Variants in WDR33 observed in about 807,000 individuals in gnomAD.
WDR33 encodes the protein WD repeat domain 33.
WDR33 carries 47 observed loss-of-function variants against 164.9 expected under a neutral mutation model. That is an observed-to-expected ratio of 0.29 (90% CI 0.23 to 0.36). The LOEUF (loss-of-function observed/expected upper bound fraction) is 0.36, where lower values mean the gene tolerates loss of function less well. WDR33 is among the 10% of genes least tolerant of loss of function. The probability of loss-of-function intolerance (pLI) is 1.00; values close to 1 mark genes in which losing one functional copy is unlikely to be tolerated. For missense variants in WDR33, 1,137 were observed against 1,754.1 expected (o/e 0.65, Z 6.28); for synonymous variants, 505 against 589.0 (o/e 0.86, Z 2.06).
At chr2:127,743,249 A>T (rs913140673) in intron 7 of WDR33, among the ~76,000 whole-genome samples, 1 of 152,344 alleles carries the variant, frequency 6.6e-6, no homozygotes, top group South Asian at 2.1e-4. Flanking sequence ...AAAATTTGCT[A>T]TGATAAAGGT....
Position 127,770,615 on chromosome 2 carries a change from C to T in WDR33, c.204+163G>A, listed in dbSNP as rs577588957. ...CTGAGGCAGGAGAATCACTTGAACC[C>T]GGGAGGCAGAGGTTGCAGTGAGCCA... On this transcript the variant is annotated intron_variant, in intron 2 of 21. Coordinates refer to ENST00000322313, the MANE Select transcript of WDR33 (RefSeq NM_018383.5). The surrounding 1 kb of genome is among the most constrained non-coding windows in gnomAD (Gnocchi z 4.9). 2.0e-5 allele frequency among the ~76,000 whole-genome samples: 3 copies of T among 151,920 alleles called. No homozygotes were observed. The highest frequency in any genetic ancestry group is 1.3e-4 in the Admixed American group (2 of 15,218).
chr2:127,787,709 G>A (rs1461010319), intron 1 of WDR33, among the ~76,000 whole-genome samples: 3 of 92,190 alleles, frequency 3.3e-5, no homozygotes, highest in African/African-American at 9.9e-5. Context: ...GGCCGGGCGG[G>A]GGGCTGACAC....
At position 127,738,891 on chromosome 2, in the gene WDR33, G is replaced by T. The variant is rs957797187; in HGVS notation, c.725-12114C>A. Among the ~76,000 whole-genome samples, 1 of 152,128 alleles carries T rather than the reference G, an allele frequency of 6.6e-6. No homozygotes were observed. The highest frequency in any genetic ancestry group is 2.4e-5 in the African/African-American group (1 of 41,432). On this transcript the variant is annotated intron_variant, in intron 7 of 21. Coordinates refer to ENST00000322313, the MANE Select transcript of WDR33 (RefSeq NM_018383.5). This position sits in a 1 kb window ranked among gnomAD's most constrained non-coding sequence, Gnocchi z 4.4. ...GAGGAGGAGAATGGAACAAAATCTT[G>T]AAAGTGCTGAAATAGGGGGAAAAGT... is the stretch of plus-strand genomic sequence containing the variant.
rs1276565924 is a variant in WDR33, at chr2:127,721,654, T to G, written c.1671+182A>C. 6.6e-6 allele frequency among the ~76,000 whole-genome samples: 1 copy of G among 152,174 alleles called. No individual in the cohort carries two copies. Among genetic ancestry groups the G allele is most frequent in the Non-Finnish European group, 1.5e-5 (1 of 68,044 alleles). The stretch of plus-strand genomic sequence containing the variant: ...AAACAAAATACATAAATAACACATT[T>G]TAAAAAATTTTAAGAAACAGGATTC... On this transcript the variant is annotated intron_variant, in intron 15 of 21. Coordinates refer to ENST00000322313, the MANE Select transcript of WDR33 (RefSeq NM_018383.5). The surrounding 1 kb of genome is among the most constrained non-coding windows in gnomAD (Gnocchi z 4.9).
At chr2:127,800,517 G>T (rs1245448680) in intron 1 of WDR33, among the ~76,000 whole-genome samples, 1 of 151,710 alleles carries the variant, frequency 6.6e-6, no homozygotes, top group Non-Finnish European at 1.5e-5. Context: ...GGCGCCTGTA[G>T]TCCCAACTAC....
Position 127,724,851 on chromosome 2 carries a change from C to A in WDR33, c.1085+36G>T. 1.2e-6 allele frequency: 2 copies of A among 1,609,494 alleles called. No homozygotes were observed. Among genetic ancestry groups the A allele is most frequent in the Non-Finnish European group, 1.7e-6 (2 of 1,175,816 alleles). On this transcript the variant is annotated intron_variant, in intron 10 of 21. Coordinates refer to ENST00000322313, the MANE Select transcript of WDR33 (RefSeq NM_018383.5). This position sits in a 1 kb window ranked among gnomAD's most constrained non-coding sequence, Gnocchi z 4.8. ...TGCACACATTCACGTGCTCTCTTCA[C>A]AAAATACACTACTTTTTCACATAAA...
intron 1 of WDR33, among the ~76,000 whole-genome samples, chr2:127,784,529 C>T (rs941355649): frequency 4.6e-5 from 7 of 152,076 alleles, no homozygotes; most frequent in African/African-American, 1.4e-4. Context: ...ACTACAGGTA[C>T]GTGACACCTC....
chr2:127,735,763 A>C lies in WDR33; in HGVS notation c.725-8986T>G. 1 of 985,468 alleles carries C rather than the reference A, an allele frequency of 1.0e-6. No homozygotes were observed. The highest frequency in any genetic ancestry group is 1.2e-6 in the Non-Finnish European group (1 of 829,934). The allele number at this position is 985,468 out of a possible 1,614,324, so 61.0% of individuals were successfully genotyped here. On this transcript the variant is annotated intron_variant, in intron 7 of 21. Transcript: ENST00000322313. This position sits in a 1 kb window ranked among gnomAD's most constrained non-coding sequence, Gnocchi z 4.3. Reference sequence around the variant, plus strand: ...AGATTTTAAAAAATTAAGAAGCATAAGTAATCTGTGCTCTGGTCAAGGAAT... The same window carrying C: ...AGATTTTAAAAAATTAAGAAGCATACGTAATCTGTGCTCTGGTCAAGGAAT...
At chr2:127,783,907 G>A (rs891659651) in intron 1 of WDR33, among the ~76,000 whole-genome samples, 3 of 151,038 alleles carry the variant, frequency 2.0e-5, no homozygotes, top group African/African-American at 7.3e-5. Context: ...CACCTGGCCA[G>A]CACTTCCTTA....
In WDR33 at chr2:127,768,922, C is replaced by G; in HGVS notation, c.273+11G>C. On this transcript the variant is annotated intron_variant, in intron 3 of 21. Transcript: ENST00000322313. The stretch of plus-strand genomic sequence containing the variant: ...TGTTTATTAAGCTAGTATGACACAT[C>G]ATGTACTTACATCATTGTAATAACC... 6.3e-7 allele frequency: 1 copy of G among 1,590,608 alleles called. No individual in the cohort carries two copies. Among genetic ancestry groups the G allele is most frequent in the Non-Finnish European group, 8.6e-7 (1 of 1,166,934 alleles).
chr2:127,794,473 C>T (rs1688955214), intron 1 of WDR33, among the ~76,000 whole-genome samples: 1 of 151,320 alleles, frequency 6.6e-6, no homozygotes, highest in African/African-American at 2.4e-5. Context: ...CGCACCCCAG[C>T]CTGGGGGACA....
At chr2:127,766,774 CT>C (rs202231773) in intron 4 of WDR33, among the ~76,000 whole-genome samples, 24,878 of 146,078 alleles carry the variant, frequency 0.17, 2,486 homozygotes, top group African/African-American at 0.3. Context: ...AACAATGTTT[CT>C]TTTTTTTTTT....
intron 1 of WDR33, among the ~76,000 whole-genome samples, chr2:127,776,197 A>G (rs1450510571): frequency 6.6e-6 from 1 of 152,186 alleles, no homozygotes; most frequent in Admixed American, 6.5e-5. Flanking sequence ...AGACAAAAGA[A>G]TGACCATGTG....
At chr2:127,809,625 G>A (rs1689574352) in intron 1 of WDR33, among the ~76,000 whole-genome samples, 1 of 151,772 alleles carries the variant, frequency 6.6e-6, no homozygotes, top group Non-Finnish European at 1.5e-5. Flanking sequence ...TAGTAGAGAC[G>A]GGGTTCCGCC....
At chr2:127,788,380 GCGCTCCT>G in intron 1 of WDR33, among the ~76,000 whole-genome samples, 3 of 113,522 alleles carry the variant, frequency 2.6e-5, no homozygotes, top group East Asian at 2.8e-4. Context: ...CCGGGCAGAG[GCGCTCCT>G]CACCTCCCGG....
At position 127,719,899 on chromosome 2, in the gene WDR33, C is replaced by A. The variant is rs770162196; in HGVS notation, c.2126G>T (p.Gly709Val). 6.2e-7 allele frequency: 1 copy of A among 1,613,934 alleles called. No individual in the cohort carries two copies. Among genetic ancestry groups the A allele is most frequent in the Admixed American group, 1.7e-5 (1 of 60,024 alleles). ...SGPQGHMGPQGPPGPQGHIGP... is the reference protein window; with the variant it reads ...SGPQGHMGPQVPPGPQGHIGP... ...TATGTGACCCTGTGGGCCAGGTGGACCCTGAGGACCCATATGACCTTGAGG... is the reference window on the plus strand; with the variant it reads ...TATGTGACCCTGTGGGCCAGGTGGAACCTGAGGACCCATATGACCTTGAGG... The change falls in exon 16 of 22, where the codon GGT (glycine) becomes GTT (valine). Residue 709 changes from glycine to valine, a missense_variant. By Grantham distance (109) the Gly-to-Val change is moderately radical. Around this residue, in one of 9 missense-constraint regions of WDR33, gnomAD observed 867 missense variants for 1,073.0 expected, o/e 0.81. Transcript: ENST00000322313. This position sits in a 1 kb window ranked among gnomAD's most constrained non-coding sequence, Gnocchi z 6.5.
At position 127,701,578 on chromosome 2, in the gene WDR33, C is replaced by T. The variant is rs1405926507; in HGVS notation, c.*4745G>A. ...CAGGAGTACCTGGCGCAGGGGAAAG[C>T]TGGCGGCCCGGCGGCCGCGGAGCCG... On this transcript the variant is annotated 3_prime_UTR_variant, in exon 22 of 22. Coordinates refer to ENST00000322313, the MANE Select transcript of WDR33 (RefSeq NM_018383.5). The T allele has an allele frequency of 9.5e-6, 13 of 1,363,016 alleles. No homozygotes were observed. Among genetic ancestry groups the T allele is most frequent in the Non-Finnish European group, 1.2e-5 (13 of 1,057,388 alleles). 84.4% of individuals were successfully genotyped at this position (1,363,016 alleles called of 1,614,324 possible).
Position 127,723,098 on chromosome 2 carries a change from ATAAAAT to A in WDR33, c.1292-60_1292-55del. On this transcript the variant is annotated intron_variant, in intron 12 of 21. Transcript: ENST00000322313. The surrounding 1 kb of genome is among the most constrained non-coding windows in gnomAD (Gnocchi z 5.9). Reference sequence around the variant, plus strand: ...AGAGAATTTACAAAAGTAGCGACTGATAAAATTAATGCTTTATAAAAATGAATGTCA... The same window carrying A: ...AGAGAATTTACAAAAGTAGCGACTGATAATGCTTTATAAAAATGAATGTCA... 6.7e-7 allele frequency: 1 copy of A among 1,496,888 alleles called. No individual in the cohort carries two copies. The highest frequency in any genetic ancestry group is 9.1e-7 in the Non-Finnish European group (1 of 1,098,736). 92.7% of individuals were successfully genotyped at this position (1,496,888 alleles called of 1,614,324 possible). A position where few individuals can be genotyped will look rare whatever the true frequency, so the allele number is the denominator to read the frequency against.
In WDR33 at chr2:127,711,769, TA is replaced by T. The variant is rs1558919343; in HGVS notation, c.3308+1813del. 3.7e-4 allele frequency among the ~76,000 whole-genome samples: 34 copies of T among 92,368 alleles called. 2 individuals are homozygous for T. Among genetic ancestry groups the T allele is most frequent in the African/African-American group, 6.8e-4 (9 of 13,206 alleles). 60.6% of individuals were successfully genotyped at this position (92,368 alleles called of 152,430 possible). A position where few individuals can be genotyped will look rare whatever the true frequency, so the allele number is the denominator to read the frequency against. On this transcript the variant is annotated intron_variant, in intron 18 of 21. Coordinates refer to ENST00000322313, the MANE Select transcript of WDR33 (RefSeq NM_018383.5). ...ATATACAGATATATATATATATATA[TA>T]TATATATATATTTTTTTTTTGAGAC...
Sources: gnomAD v4.1 joint callset for allele counts (sites outside exome capture counted in the v4.1 genomes callset) on GRCh38, gnomAD v4.1.1 for gene constraint, gnomAD v4.1.1 regional missense constraint, Gnocchi (gnomAD v3.1) non-coding constraint, MANE v1.5 for transcripts, NCBI Gene and HGNC (gene_info 2026-07-23, HGNC 2026-07-21) for gene names.